The following UAP1L1 variants were observed in gnomAD, a reference collection of about 807,000 sequenced individuals.
UAP1L1 encodes UDP-N-acetylhexosamine pyrophosphorylase-like protein 1.
Under a neutral mutation model 45.3 loss-of-function variants are expected in UAP1L1, and 45 were observed. The ratio of observed to expected loss-of-function variants is 0.99; its 90% CI spans 0.78 to 1.27. The LOEUF (loss-of-function observed/expected upper bound fraction) is 1.27. Among genes scored for constraint, UAP1L1 ranks in the 50% most tolerant of loss-of-function variants. The pLI is 0.00. For synonymous variants in UAP1L1, 323 were observed against 303.9 expected (o/e 1.06, Z -0.65); for missense variants, 667 against 694.0 (o/e 0.96, Z 0.44).
Position 137,082,183 on chromosome 9 carries a change from C to T in UAP1L1, c.1431+119C>T, listed in dbSNP as rs989792955. ...CTCTACCTCGGTTAACCAATGGGGT[C>T]GGTGGTTTAAATTTGCAGAAGACTT... On this transcript the variant is annotated intron_variant, in intron 8 of 8. Transcript: ENST00000409858. The surrounding 1 kb of genome is among the most constrained non-coding windows in gnomAD (Gnocchi z 5.7). 1.6e-5 allele frequency: 16 copies of T among 1,019,992 alleles called. No individual in the cohort carries two copies. Among genetic ancestry groups the T allele is most frequent in the African/African-American group, 3.2e-5 (2 of 62,884 alleles). 63.2% of individuals were successfully genotyped at this position (1,019,992 alleles called of 1,614,324 possible).
At position 137,078,086 on chromosome 9, in the gene UAP1L1, T is replaced by G; in HGVS notation, c.326T>G (p.Leu109Arg). Reference protein sequence around the residue: ...RQISLNKVAVLLLAGGQGTRL... With the variant: ...RQISLNKVAVRLLAGGQGTRL... ...ATTTCTCTGAACAAGGTGGCCGTCC[T>G]GCTGCTGGCTGGGGGGCAGGGCACT... The change falls in exon 2 of 9, where the codon CTG becomes CGG. Residue 109 changes from leucine (L) to arginine (R), a missense_variant. By Grantham distance (102) the Leu-to-Arg change is moderately radical. Coordinates refer to ENST00000409858, the MANE Select transcript of UAP1L1 (RefSeq NM_207309.3). 1 of 1,550,200 alleles carries G rather than the reference T, an allele frequency of 6.5e-7. No individual in the cohort carries two copies. Among genetic ancestry groups the G allele is most frequent in the Non-Finnish European group, 8.7e-7 (1 of 1,146,902 alleles).
Position 137,079,424 on chromosome 9 carries a change from C to T in UAP1L1, c.1012C>T (p.Arg338Ter), listed in dbSNP as rs1424267811. 3.8e-6 allele frequency: 6 copies of T among 1,596,696 alleles called. No individual in the cohort carries two copies. The highest frequency in any genetic ancestry group is 5.1e-6 in the Non-Finnish European group (6 of 1,167,856). ...AGNICNHFFT[R>*]GFLKAVTREF... ...CAACATCTGCAACCACTTCTTCACCCGAGGCTTCCTTAAGGCGGTCACCAG... is the reference window on the plus strand; with the variant it reads ...CAACATCTGCAACCACTTCTTCACCTGAGGCTTCCTTAAGGCGGTCACCAG... The change falls in exon 5 of 9, where the codon CGA becomes TGA. Residue 338 changes from arginine to a stop codon, truncating the protein, a stop_gained. Coordinates refer to ENST00000409858, the MANE Select transcript of UAP1L1 (RefSeq NM_207309.3). LOFTEE classifies it high-confidence loss of function.
In UAP1L1 at chr9:137,082,518, C is replaced by A; in HGVS notation, c.1432-119C>A. The A allele has an allele frequency of 1.2e-6, 1 of 820,312 alleles. No homozygotes were observed. The highest frequency in any genetic ancestry group is 2.0e-6 in the Non-Finnish European group (1 of 506,678). 50.8% of individuals were successfully genotyped at this position (820,312 alleles called of 1,614,324 possible). A position where few individuals can be genotyped will look rare whatever the true frequency, so the allele number is the denominator to read the frequency against. The stretch of plus-strand genomic sequence containing the variant: ...CCTGGAAGCCTTTCTGTCCCCACCC[C>A]TCCCTGACTCCAGGCAGACCTGGGA... On this transcript the variant is annotated intron_variant, in intron 8 of 8. Transcript: ENST00000409858. This position sits in a 1 kb window ranked among gnomAD's most constrained non-coding sequence, Gnocchi z 5.7.
intron 6 of UAP1L1, chr9:137,080,437 C>G: frequency 1.7e-6 from 1 of 590,640 alleles, no homozygotes; most frequent in Non-Finnish European, 2.9e-6. Context: ...GCCAGGGCGG[C>G]TCGCAGGGCC....
In UAP1L1 at chr9:137,078,681, T is replaced by C. The variant is rs1281283636; in HGVS notation, c.670+4T>C. 1 of 1,609,420 alleles carries C rather than the reference T, an allele frequency of 6.2e-7. No individual in the cohort carries two copies. Among genetic ancestry groups the C allele is most frequent in the Admixed American group, 1.7e-5 (1 of 59,866 alleles). On this transcript the variant is annotated splice_donor_region_variant and intron_variant, in intron 3 of 8. Transcript: ENST00000409858. The stretch of plus-strand genomic sequence containing the variant: ...GACAAAGTTGCCATGGCCCCAGGTG[T>C]GGCCCGTTCCTGAGACGGGGAGGGA...
In UAP1L1 at chr9:137,082,772, C is replaced by T. The variant is rs1245070156; in HGVS notation, c.*43C>T. 8 of 1,500,288 alleles carry T rather than the reference C, an allele frequency of 5.3e-6. No homozygotes were observed. Among genetic ancestry groups the T allele is most frequent in the Non-Finnish European group, 7.2e-6 (8 of 1,112,626 alleles). The allele number at this position is 1,500,288 out of a possible 1,614,324, so 92.9% of individuals were successfully genotyped here. A position where few individuals can be genotyped will look rare whatever the true frequency, so the allele number is the denominator to read the frequency against. On this transcript the variant is annotated 3_prime_UTR_variant, in exon 9 of 9. Coordinates refer to ENST00000409858, the MANE Select transcript of UAP1L1 (RefSeq NM_207309.3). This position sits in a 1 kb window ranked among gnomAD's most constrained non-coding sequence, Gnocchi z 5.7. ...CAGACTCCCCCGAGACCTGCCAGCCCCGGCATCCTGGAAGTCCCGACTCCC... is the reference window on the plus strand; with the variant it reads ...CAGACTCCCCCGAGACCTGCCAGCCTCGGCATCCTGGAAGTCCCGACTCCC...
chr9:137,080,308 G>A (rs1832770673), intron 6 of UAP1L1, 166 bp downstream of exon 6: 1 of 848,712 alleles, frequency 1.2e-6, no homozygotes, highest in South Asian at 1.7e-5. Flanking sequence ...AGGGTAAGCA[G>A]CCCCTGAGGT....
At chr9:137,079,922 G>A in intron 5 of UAP1L1, 80 bp from the exon 6 acceptor site, 1 of 1,555,268 alleles carries the variant, frequency 6.4e-7, no homozygotes, top group African/African-American at 1.4e-5. Context: ...AGCTGGGTGT[G>A]CTCAGAAGTG....
chr9:137,078,040 G>A lies in UAP1L1; in HGVS notation c.290-10G>A, dbSNP rs1281059163. ...TCCCGGGCGTCCCTTCACGGCGCCC[G>A]TACCCCCAGGTTTCCGTCAGATTTC... On this transcript the variant is annotated splice_polypyrimidine_tract_variant and intron_variant, in intron 1 of 8. Transcript: ENST00000409858. The A allele has an allele frequency of 5.2e-6, 8 of 1,547,218 alleles. No individual in the cohort carries two copies. Among genetic ancestry groups the A allele is most frequent in the African/African-American group, 1.4e-5 (1 of 73,148 alleles).
At chr9:137,079,784 G>T in intron 5 of UAP1L1, 1 of 627,778 alleles carries the variant, frequency 1.6e-6, no homozygotes, top group Non-Finnish European at 2.7e-6. Context: ...GCAGGGATGT[G>T]GCTGATGGTG....
rs2131539559 is a variant in UAP1L1, at chr9:137,077,902, A to G, written c.289+81A>G. 1.4e-6 allele frequency: 2 copies of G among 1,476,564 alleles called. No homozygotes were observed. The highest frequency in any genetic ancestry group is 4.9e-4 in the Middle Eastern group (2 of 4,104). The allele number at this position is 1,476,564 out of a possible 1,614,324, so 91.5% of individuals were successfully genotyped here. A position where few individuals can be genotyped will look rare whatever the true frequency, so the allele number is the denominator to read the frequency against. ...TGGGAACCGAGGCCGCGCTCGGGGA[A>G]CTGTAGTTCTCCTCGCTACTTTGAG... On this transcript the variant is annotated intron_variant, in intron 1 of 8. Transcript: ENST00000409858. The surrounding 1 kb of genome is among the most constrained non-coding windows in gnomAD (Gnocchi z 4.7).
chr9:137,079,254 A>G lies in UAP1L1; in HGVS notation c.844-2A>G. On this transcript the variant is annotated splice_acceptor_variant, in intron 4 of 8. Transcript: ENST00000409858. LOFTEE classifies it high-confidence loss of function. ...GGAACCCATCCCTGGTCTTGGCTGC[A>G]GGTGGTGGAAAAGGCATACCCCGAG... The G allele has an allele frequency of 6.2e-7, 1 of 1,606,802 alleles. No homozygotes were observed. Among genetic ancestry groups the G allele is most frequent in the Non-Finnish European group, 8.5e-7 (1 of 1,176,008 alleles).
chr9:137,083,367 A>G lies in UAP1L1; in HGVS notation c.*638A>G, dbSNP rs1027935674. On this transcript the variant is annotated 3_prime_UTR_variant, in exon 9 of 9. Coordinates refer to ENST00000409858, the MANE Select transcript of UAP1L1 (RefSeq NM_207309.3). ...CCACAGAAAGAGCCTGATGTCCATG[A>G]TCCAGGTGGCTCTGAGAAGCTTGGC... 3.3e-5 allele frequency: 5 copies of G among 152,440 alleles called. No individual in the cohort carries two copies. Among genetic ancestry groups the G allele is most frequent in the Non-Finnish European group, 7.3e-5 (5 of 68,226 alleles). The allele number at this position is 152,440 out of a possible 1,614,324, so 9.4% of individuals were successfully genotyped here. A position where few individuals can be genotyped will look rare whatever the true frequency, so the allele number is the denominator to read the frequency against.
At position 137,079,461 on chromosome 9, in the gene UAP1L1, C is replaced by T. The variant is rs370582962; in HGVS notation, c.1037+12C>T. 7.6e-6 allele frequency: 12 copies of T among 1,571,208 alleles called. No homozygotes were observed. Among genetic ancestry groups the T allele is most frequent in the Non-Finnish European group, 1.0e-5 (12 of 1,153,388 alleles). On this transcript the variant is annotated intron_variant, in intron 5 of 8. Coordinates refer to ENST00000409858, the MANE Select transcript of UAP1L1 (RefSeq NM_207309.3). ...AAGGCGGTCACCAGGTGTGCGGCAG[C>T]AGGTGGCTGCGGATTGCCGGCCAGA... is the stretch of plus-strand genomic sequence containing the variant.
intron 2 of UAP1L1, 111 bp from the exon 3 acceptor site, chr9:137,078,391 C>T: frequency 6.3e-7 from 1 of 1,587,968 alleles, no homozygotes; most frequent in Non-Finnish European, 8.6e-7. Context: ...GGCCTGGCCC[C>T]AGCCCCAACT....
chr9:137,079,901 C>A, intron 5 of UAP1L1, 101 bp from the exon 6 acceptor site: 1 of 1,437,354 alleles, frequency 7.0e-7, no homozygotes, highest in Non-Finnish European at 9.6e-7. Context: ...TTCTGCCATC[C>A]TGTCCCACCC....
At position 137,083,245 on chromosome 9, in the gene UAP1L1, C is replaced by T. The variant is rs1832820594; in HGVS notation, c.*516C>T. ...AACCAGAATGAGGGGGACAATTCCA[C>T]CCACTCGAGGGCTGCCCCCTCTTCC... is the stretch of plus-strand genomic sequence containing the variant. On this transcript the variant is annotated 3_prime_UTR_variant, in exon 9 of 9. Transcript: ENST00000409858. 6.5e-6 allele frequency: 1 copy of T among 154,854 alleles called. No individual in the cohort carries two copies. The highest frequency in any genetic ancestry group is 1.4e-5 in the Non-Finnish European group (1 of 69,430). The allele number at this position is 154,854 out of a possible 1,614,324, so 9.6% of individuals were successfully genotyped here.
rs1339238924 is a variant in UAP1L1, at chr9:137,077,720, C to T, written c.188C>T (p.Pro63Leu). ...AAEACARPHG[P>L]PPDLAARLRP... is the part of the protein sequence containing the mutation. ...GAGGCCTGCGCGCGCCCCCACGGCC[C>T]GCCGCCCGACTTGGCCGCGCGCCTG... is the stretch of plus-strand genomic sequence containing the variant. The change falls in exon 1 of 9, where the codon CCG becomes CTG. Residue 63 changes from proline (P) to leucine (L), a missense_variant. Coordinates refer to ENST00000409858, the MANE Select transcript of UAP1L1 (RefSeq NM_207309.3). This position sits in a 1 kb window ranked among gnomAD's most constrained non-coding sequence, Gnocchi z 4.7. The T allele has an allele frequency of 2.6e-6, 3 of 1,166,826 alleles. No individual in the cohort carries two copies. The highest frequency in any genetic ancestry group is 1.6e-5 in the African/African-American group (1 of 61,860). 72.3% of individuals were successfully genotyped at this position (1,166,826 alleles called of 1,614,324 possible).
Position 137,077,558 on chromosome 9 carries a change from C to T in UAP1L1, c.26C>T (p.Ala9Val). ...ATGGCTTCGGAGCAGGACGTGCGCG[C>T]CCGGCTGCAGCGCGCTGGCCAGGAG... MASEQDVRARLQRAGQEHL... is the reference protein window; with the variant it reads MASEQDVRVRLQRAGQEHL... Residue 9 changes from alanine (A) to valine (V), a missense_variant, in exon 1 of 9, where the codon GCC becomes GTC. By Grantham distance (64) the Ala-to-Val change is moderately conservative (BLOSUM62 0). Coordinates refer to ENST00000409858, the MANE Select transcript of UAP1L1 (RefSeq NM_207309.3). This position sits in a 1 kb window ranked among gnomAD's most constrained non-coding sequence, Gnocchi z 4.7. 7.2e-7 allele frequency: 1 copy of T among 1,394,126 alleles called. No individual in the cohort carries two copies. The highest frequency in any genetic ancestry group is 1.5e-5 in the African/African-American group (1 of 66,102). The allele number at this position is 1,394,126 out of a possible 1,614,324, so 86.4% of individuals were successfully genotyped here. A position where few individuals can be genotyped will look rare whatever the true frequency, so the allele number is the denominator to read the frequency against.
Sources: gnomAD v4.1 joint callset for allele counts on GRCh38, gnomAD v4.1.1 for gene constraint, Gnocchi (gnomAD v3.1) non-coding constraint, MANE v1.5 for transcripts, NCBI Gene and HGNC (gene_info 2026-07-23, HGNC 2026-07-21) for gene names.